NCOA1: variants seen among roughly 807,000 people sequenced by gnomAD.
NCOA1 encodes the protein nuclear receptor coactivator 1.
A neutral mutation model predicts 150.9 loss-of-function variants in NCOA1; 35 were observed. The observed-to-expected ratio is 0.23, with a 90% CI of 0.18 to 0.31. The LOEUF is 0.31. Among genes scored for constraint, NCOA1 ranks in the 10% least tolerant of loss-of-function variants. NCOA1 has a pLI of 1.00. For synonymous variants in NCOA1, 590 were observed against 630.0 expected, an observed-to-expected ratio of 0.94 and a Z score of 0.95; for missense variants, 1,491 against 1,749.3, an observed-to-expected ratio of 0.85 and a Z score of 2.63.
At chr2:24,667,087 C>T (rs754943176) in intron 6 of NCOA1, among the ~76,000 whole-genome samples, 8 of 151,954 alleles carry the variant, frequency 5.3e-5, no homozygotes, top group Non-Finnish European at 1.0e-4. Context: ...AAGGACTAAC[C>T]CCAAAGAACT....
At chr2:24,756,071 TAAAAAAAA>T (rs369987098) in intron 20 of NCOA1, among the ~76,000 whole-genome samples, 4 of 108,220 alleles carry the variant, frequency 3.7e-5, no homozygotes, top group Middle Eastern at 4.6e-3. Flanking sequence ...CCATCTCTAC[TAAAAAAAA>T]AAAAAAAAAA....
In NCOA1 at chr2:24,529,181, G is replaced by A. The variant is rs140434007; in HGVS notation, c.-395-35114G>A. Reference sequence around the variant, plus strand: ...GATTACAGGCATGAGCCACCGTGCCGGCCTGATGAAGAGTTTTTGAATTGT... The same window carrying A: ...GATTACAGGCATGAGCCACCGTGCCAGCCTGATGAAGAGTTTTTGAATTGT... On this transcript the variant is annotated intron_variant, in intron 1 of 22. Transcript: ENST00000348332. Among the ~76,000 whole-genome samples the A allele has an allele frequency of 7.2e-3, 1,097 of 152,262 alleles. 13 individuals are homozygous for A. Among genetic ancestry groups the A allele is most frequent in the African/African-American group, 0.024 (1,005 of 41,550 alleles).
intron 1 of NCOA1, among the ~76,000 whole-genome samples, chr2:24,510,768 T>A (rs1348303472): frequency 6.6e-6 from 1 of 152,236 alleles, no homozygotes; most frequent in Non-Finnish European, 1.5e-5. Context: ...CTCTGGGGAC[T>A]TTATTGCCAT....
Position 24,614,199 on chromosome 2 carries a change from C to CT in NCOA1, c.-175+29671dup, listed in dbSNP as rs869113477. ...CCTATTGTATCGATTCATTTCCATT[C>CT]TTTTTTTTTTTTTTTTTTTTTTTTT... On this transcript the variant is annotated intron_variant, in intron 3 of 22. Coordinates refer to ENST00000348332, the MANE Select transcript of NCOA1 (RefSeq NM_003743.5). Among the ~76,000 whole-genome samples the CT allele has an allele frequency of 2.6e-3, 24 of 9,164 alleles. 2 individuals carry two copies. Among genetic ancestry groups the CT allele is most frequent in the African/African-American group, 5.3e-3 (13 of 2,440 alleles). 6.0% of individuals were successfully genotyped at this position (9,164 alleles called of 152,430 possible).
At chr2:24,642,037 T>TGTGTGTGCGCGCGC (rs942145000) in intron 3 of NCOA1, among the ~76,000 whole-genome samples, 7 of 138,556 alleles carry the variant, frequency 5.1e-5, no homozygotes, top group African/African-American at 1.5e-4. Context: ...TGTGTGTGTG[T>TGTGTGTGCGCGCGC]GCGCGCGTGC....
At chr2:24,672,282 A>T (rs893346216) in intron 6 of NCOA1, among the ~76,000 whole-genome samples, 3 of 152,310 alleles carry the variant, frequency 2.0e-5, no homozygotes, top group South Asian at 4.1e-4. Flanking sequence ...TGCAACATGT[A>T]TTTATTTAAA....
At position 24,707,868 on chromosome 2, in the gene NCOA1, A is replaced by G; in HGVS notation, c.2398A>G (p.Lys800Glu). Residue 800 changes from lysine (K) to glutamate (E), a missense_variant, in exon 13 of 23, where the codon AAA becomes GAA. This residue lies in a region of NCOA1 where 703 missense variants were observed against 717.7 expected (regional missense o/e 0.98). Coordinates refer to ENST00000348332, the MANE Select transcript of NCOA1 (RefSeq NM_003743.5). ...GACCAAACCCACTCCTGAGGAAATA[A>G]AACTGGAGGCCCAGAGCCAGGTGGG... is the stretch of plus-strand genomic sequence containing the variant. ...PMTKPTPEEI[K>E]LEAQSQFTAD... 5 of 1,592,740 alleles carry G rather than the reference A, an allele frequency of 3.1e-6. No individual in the cohort carries two copies. Among genetic ancestry groups the G allele is most frequent in the Non-Finnish European group, 4.3e-6 (5 of 1,173,460 alleles).
At chr2:24,544,760 C>G (rs1489983722) in intron 1 of NCOA1, among the ~76,000 whole-genome samples, 1 of 151,954 alleles carries the variant, frequency 6.6e-6, no homozygotes, top group African/African-American at 2.4e-5. Context: ...AAAGAAGATT[C>G]TGTTAATAAG....
At chr2:24,726,749 C>A in intron 15 of NCOA1, 43 bp downstream of exon 15, 2 of 1,226,666 alleles carry the variant, frequency 1.6e-6, no homozygotes, top group Non-Finnish European at 2.3e-6. Flanking sequence ...CAGATACCAA[C>A]TTCTAAACAG....
At chr2:24,683,264 C>A (rs1672257781) in intron 8 of NCOA1, 136 bp downstream of exon 8, 4 of 522,552 alleles carry the variant, frequency 7.7e-6, no homozygotes. Flanking sequence ...AATATTTTTT[C>A]AGTGTGGTTT....
intron 1 of NCOA1, among the ~76,000 whole-genome samples, chr2:24,543,506 C>G (rs1665484330): frequency 6.6e-6 from 1 of 151,838 alleles, no homozygotes; most frequent in South Asian, 2.1e-4. Context: ...TTTTTTTGCT[C>G]AGATTGAGTT....
At chr2:24,674,274 C>T (rs913888468) in intron 7 of NCOA1, among the ~76,000 whole-genome samples, 2 of 149,622 alleles carry the variant, frequency 1.3e-5, no homozygotes, top group Non-Finnish European at 3.0e-5. Context: ...GGTGTGGTCT[C>T]GGTTCACTGC....
At chr2:24,646,937 A>G (rs562847364) in intron 4 of NCOA1, among the ~76,000 whole-genome samples, 1 of 152,200 alleles carries the variant, frequency 6.6e-6, no homozygotes, top group South Asian at 2.1e-4. Flanking sequence ...TTTGATTTTG[A>G]TTGAACAGTG....
intron 17 of NCOA1, among the ~76,000 whole-genome samples, chr2:24,731,170 AGG>A (rs1662992333): frequency 6.6e-6 from 1 of 152,178 alleles, no homozygotes; most frequent in Non-Finnish European, 1.5e-5. Context: ...GTATTTAAAG[AGG>A]TTCCCTGGAG....
intron 2 of NCOA1, among the ~76,000 whole-genome samples, chr2:24,575,849 AGGTGTGAGCCACCGCTCTCG>A (rs1364915896): frequency 6.6e-6 from 1 of 152,164 alleles, no homozygotes; most frequent in Non-Finnish European, 1.5e-5. Flanking sequence ...CTGGGATTAC[AGGTGTGAGCCACCGCTCTCG>A]GCCGAAGAGG....
At chr2:24,658,975 A>C in intron 5 of NCOA1, 1 of 526,494 alleles carries the variant, frequency 1.9e-6, no homozygotes, top group South Asian at 2.4e-5. Flanking sequence ...GTTAACACCT[A>C]CTCATCCTTC....
At chr2:24,745,845 G>T (rs1158101255) in intron 19 of NCOA1, among the ~76,000 whole-genome samples, 1 of 152,150 alleles carries the variant, frequency 6.6e-6, no homozygotes, top group African/African-American at 2.4e-5. Flanking sequence ...CCGAGAAACA[G>T]CACAGACCTT....
intron 1 of NCOA1, among the ~76,000 whole-genome samples, chr2:24,542,442 A>G (rs1665436057): frequency 6.6e-6 from 1 of 152,248 alleles, no homozygotes; most frequent in South Asian, 2.1e-4. Flanking sequence ...TTGAATTAAT[A>G]GACTATACGA....
chr2:24,703,640 AT>A (rs1673271701), intron 11 of NCOA1, among the ~76,000 whole-genome samples: 3 of 152,190 alleles, frequency 2.0e-5, no homozygotes, highest in Admixed American at 2.0e-4. Context: ...TTTCAATTAA[AT>A]TTATATTCTG....
Sources: allele counts gnomAD v4.1 joint callset (sites outside exome capture counted in the v4.1 genomes callset), GRCh38; gene constraint gnomAD v4.1.1; regional missense constraint gnomAD v4.1.1; transcripts MANE v1.5; gene names NCBI Gene and HGNC (gene_info 2026-07-23, HGNC 2026-07-21).